Variants in UNC5A observed in about 807,000 individuals in gnomAD.
UNC5A encodes the protein unc-5 netrin receptor A.
Under a neutral mutation model 87.4 loss-of-function variants are expected in UNC5A, and 20 were observed. That is an observed-to-expected ratio of 0.23 (90% CI 0.16 to 0.33). The LOEUF (loss-of-function observed/expected upper bound fraction) is 0.33, where lower values mean the gene tolerates loss of function less well. Ranked by LOEUF, UNC5A falls within the 10% of genes least tolerant of loss-of-function variation. The probability of loss-of-function intolerance (pLI) is 1.00; values close to 1 mark genes in which losing one functional copy is unlikely to be tolerated. For synonymous variants in UNC5A, 438 were observed against 482.3 expected (o/e 0.91, Z 1.20); for missense variants, 844 against 1,133.4 (o/e 0.74, Z 3.67).
chr5:176,868,359 G>A (rs573470131), intron 3 of UNC5A, 86 bp downstream of exon 3: 203 of 1,581,680 alleles, frequency 1.3e-4, no homozygotes, highest in Admixed American at 1.8e-4. Flanking sequence ...TGGAAGAGGC[G>A]GTCCGGTCAG....
intron 1 of UNC5A, among the ~76,000 whole-genome samples, chr5:176,843,201 A>G (rs190787460): frequency 5.3e-5 from 8 of 152,020 alleles, no homozygotes; most frequent in Non-Finnish European, 8.8e-5. Flanking sequence ...AGAAAAAAAG[A>G]AAAGAAAATC....
chr5:176,842,297 A>G (rs867504488), intron 1 of UNC5A, among the ~76,000 whole-genome samples: 2 of 152,268 alleles, frequency 1.3e-5, no homozygotes, highest in Non-Finnish European at 2.9e-5. Context: ...TACAGCCACT[A>G]TGGAAGACAG....
In UNC5A at chr5:176,868,286, C is replaced by T; in HGVS notation, c.436+13C>T. 6.2e-7 allele frequency: 1 copy of T among 1,612,332 alleles called. No individual in the cohort carries two copies. The highest frequency in any genetic ancestry group is 1.1e-5 in the South Asian group (1 of 91,066). ...ATCCGCATAGCCTGTGAGTCTAGGG[C>T]TGGGCCCTGGGGGAGGGCGCACGGC... On this transcript the variant is annotated intron_variant, in intron 3 of 14. Coordinates refer to ENST00000329542, the MANE Select transcript of UNC5A (RefSeq NM_133369.3).
rs35268512 is a variant in UNC5A at position 176,842,492 on chromosome 5, G to GATATATATATATATATATAT, written c.71-20114_71-20113insATATATATATATATATATAT. On this transcript the variant is annotated intron_variant, in intron 1 of 14. Coordinates refer to ENST00000329542, the MANE Select transcript of UNC5A (RefSeq NM_133369.3). The stretch of plus-strand genomic sequence containing the variant: ...GTCAATCAACAAATGGAGAAACTGT[G>GATATATATATATATATATAT]ATATATATATATATATATGATGGAA... Among the ~76,000 whole-genome samples, 1,230 of 145,390 alleles carry GATATATATATATATATATAT rather than the reference G, an allele frequency of 8.5e-3. 31 individuals carry two copies. The highest frequency in any genetic ancestry group is 0.031 in the African/African-American group (1,179 of 37,496).
At chr5:176,832,736 A>G (rs1184329478) in intron 1 of UNC5A, among the ~76,000 whole-genome samples, 6 of 152,250 alleles carry the variant, frequency 3.9e-5, no homozygotes, top group Non-Finnish European at 7.3e-5. Context: ...ATTTTCAATC[A>G]GGAAAGCAGT....
At chr5:176,857,430 G>A (rs1218319741) in intron 1 of UNC5A, among the ~76,000 whole-genome samples, 4 of 152,096 alleles carry the variant, frequency 2.6e-5, no homozygotes, top group South Asian at 2.1e-4. Context: ...CACCGGCCCC[G>A]GGGACTCATC....
rs149821074 is a variant in UNC5A, at chr5:176,824,159, T to C, written c.70+13339T>C. Among the ~76,000 whole-genome samples the C allele has an allele frequency of 6.7e-4, 102 of 152,112 alleles. 1 individual carries two copies. The highest frequency in any genetic ancestry group is 3.4e-3 in the Middle Eastern group (1 of 294). On this transcript the variant is annotated intron_variant, in intron 1 of 14. Coordinates refer to ENST00000329542, the MANE Select transcript of UNC5A (RefSeq NM_133369.3). The surrounding 1 kb of genome is among the most constrained non-coding windows in gnomAD (Gnocchi z 4.2). ...AGGTGCGGCCCCGATGCCTCCCGGG[T>C]TGGAGGCAGCAATGATGCAGGTTCC...
chr5:176,878,145 C>A lies in UNC5A; in HGVS notation c.1869+18C>A. 1.2e-6 allele frequency: 2 copies of A among 1,603,552 alleles called. No homozygotes were observed. The highest frequency in any genetic ancestry group is 1.1e-5 in the South Asian group (1 of 91,030). ...CACTCAAGGTATCTCCCGCCCCTCA[C>A]CCCCCGCCGCTGGGAGGCCGAGCTA... is the stretch of plus-strand genomic sequence containing the variant. On this transcript the variant is annotated intron_variant, in intron 11 of 14. Transcript: ENST00000329542.
intron 6 of UNC5A, among the ~76,000 whole-genome samples, chr5:176,872,689 C>A (rs1362985568): frequency 5.3e-4 from 57 of 107,392 alleles, no homozygotes; most frequent in East Asian, 6.7e-4. Context: ...ACACTCACCC[C>A]ACACCACAGC....
intron 2 of UNC5A, 97 bp downstream of exon 2, chr5:176,862,942 G>T: frequency 7.0e-7 from 1 of 1,421,646 alleles, no homozygotes; most frequent in Non-Finnish European, 9.7e-7. Flanking sequence ...TCCCCACCTG[G>T]GACCCCGGAG....
rs1758248966 is a variant in UNC5A at position 176,875,862 on chromosome 5, C to G, written c.1378+1296C>G. 6.6e-6 allele frequency among the ~76,000 whole-genome samples: 1 copy of G among 152,212 alleles called. No individual in the cohort carries two copies. Among genetic ancestry groups the G allele is most frequent in the Non-Finnish European group, 1.5e-5 (1 of 68,044 alleles). ...TCAGCTGGGACTTCTCTTTTGGGTC[C>G]CCGCCTGACAGCTCTTGCCGTCTGT... On this transcript the variant is annotated intron_variant, in intron 8 of 14. Coordinates refer to ENST00000329542, the MANE Select transcript of UNC5A (RefSeq NM_133369.3). The surrounding 1 kb of genome is among the most constrained non-coding windows in gnomAD (Gnocchi z 5.2).
chr5:176,877,353 C>T, intron 9 of UNC5A, 74 bp downstream of exon 9: 1 of 1,436,392 alleles, frequency 7.0e-7, no homozygotes, highest in Non-Finnish European at 9.6e-7. Context: ...AAGCCCCCTG[C>T]CCACCCACTG....
chr5:176,861,545 G>A (rs2149363424), intron 1 of UNC5A, among the ~76,000 whole-genome samples: 1 of 152,330 alleles, frequency 6.6e-6, no homozygotes, highest in Non-Finnish European at 1.5e-5. Flanking sequence ...GTGCCCCTCG[G>A]TGGGTAGGGT....
At chr5:176,835,990 T>A (rs548260689) in intron 1 of UNC5A, among the ~76,000 whole-genome samples, 2 of 152,178 alleles carry the variant, frequency 1.3e-5, no homozygotes, top group Non-Finnish European at 2.9e-5. Flanking sequence ...AAATAAAAGA[T>A]CTGGAAGAGG....
Position 176,869,025 on chromosome 5 carries a change from T to C in UNC5A, c.721+61T>C. ...ACTGCGGTGCCCCTGGGCAGTGACA[T>C]GTGGCTGGTGGGGTGAAGAGAGGCC... On this transcript the variant is annotated intron_variant, in intron 5 of 14. Transcript: ENST00000329542. The surrounding 1 kb of genome is among the most constrained non-coding windows in gnomAD (Gnocchi z 9.1). 6.6e-7 allele frequency: 1 copy of C among 1,518,274 alleles called. No individual in the cohort carries two copies. The highest frequency in any genetic ancestry group is 1.4e-5 in the African/African-American group (1 of 72,650). 94.1% of individuals were successfully genotyped at this position (1,518,274 alleles called of 1,614,324 possible). A position where few individuals can be genotyped will look rare whatever the true frequency, so the allele number is the denominator to read the frequency against.
Position 176,867,166 on chromosome 5 carries a change from G to A in UNC5A, c.293-964G>A, listed in dbSNP as rs114584893. Among the ~76,000 whole-genome samples, 924 of 152,316 alleles carry A rather than the reference G, an allele frequency of 6.1e-3. 2 individuals are homozygous for A. The highest frequency in any genetic ancestry group is 8.9e-3 in the Non-Finnish European group (606 of 68,028). On this transcript the variant is annotated intron_variant, in intron 2 of 14. Transcript: ENST00000329542. ...TCCCTTTCTGATAAGCCAATGACCC[G>A]AGGGAAATTGGGGTCAGGAGGAGGA... is the stretch of plus-strand genomic sequence containing the variant.
At chr5:176,851,097 A>G (rs573142066) in intron 1 of UNC5A, among the ~76,000 whole-genome samples, 12 of 152,308 alleles carry the variant, frequency 7.9e-5, no homozygotes, top group Middle Eastern at 6.8e-3. Flanking sequence ...TGCCAGATGC[A>G]TGCTCCTGGT....
In UNC5A at chr5:176,848,847, G is replaced by A. The variant is rs564588235; in HGVS notation, c.71-13777G>A. Among the ~76,000 whole-genome samples, 29 of 152,260 alleles carry A rather than the reference G, an allele frequency of 1.9e-4. No individual in the cohort carries two copies. The highest frequency in any genetic ancestry group is 4.2e-4 in the South Asian group (2 of 4,814). On this transcript the variant is annotated intron_variant, in intron 1 of 14. Transcript: ENST00000329542. This position sits in a 1 kb window ranked among gnomAD's most constrained non-coding sequence, Gnocchi z 5.8. ...TCGGGATTGCAGCTTCTCCCCTCTCGGCCTCTGGAAGGGACAGTGCCCTCA... is the reference window on the plus strand; with the variant it reads ...TCGGGATTGCAGCTTCTCCCCTCTCAGCCTCTGGAAGGGACAGTGCCCTCA...
At chr5:176,863,627 G>A (rs1298556571) in intron 2 of UNC5A, among the ~76,000 whole-genome samples, 3 of 151,854 alleles carry the variant, frequency 2.0e-5, no homozygotes, top group African/African-American at 4.8e-5. Context: ...CACTGGGGAC[G>A]TGGGCAGACA....
Sources: gnomAD v4.1 joint callset for allele counts (sites outside exome capture counted in the v4.1 genomes callset) on GRCh38, gnomAD v4.1.1 for gene constraint, Gnocchi (gnomAD v3.1) non-coding constraint, MANE v1.5 for transcripts, NCBI Gene and HGNC (gene_info 2026-07-23, HGNC 2026-07-21) for gene names.